Variants in TM9SF4 observed in about 807,000 individuals in gnomAD.
The protein encoded by TM9SF4 is dinucleotide oxidase disulfide thiol exchanger 3 superfamily member 4.
In TM9SF4, 26 loss-of-function variants were observed where a neutral mutation model predicts 90.4. The observed-to-expected ratio is 0.29, with a 90% CI of 0.21 to 0.40. The LOEUF (loss-of-function observed/expected upper bound fraction) is 0.40. TM9SF4 is among the 10% of genes least tolerant of loss of function. The pLI, the probability that TM9SF4 is intolerant of heterozygous loss-of-function variation, is 1.00. For synonymous variants in TM9SF4, 293 were observed against 315.4 expected (o/e 0.93, Z 0.75); for missense variants, 549 against 834.8 (o/e 0.66, Z 4.22).
At chr20:32,109,884 C>G in intron 1 of TM9SF4, 129 bp downstream of exon 1, 1 of 1,511,482 alleles carries the variant, frequency 6.6e-7, no homozygotes. Context: ...AGGGCTACCT[C>G]TGACTGGGCT....
intron 1 of TM9SF4, among the ~76,000 whole-genome samples, chr20:32,113,520 A>G (rs1351740207): frequency 6.6e-6 from 1 of 152,114 alleles, no homozygotes; most frequent in Non-Finnish European, 1.5e-5. Flanking sequence ...TGGGAATATT[A>G]TTTCATTGAA....
At chr20:32,160,203 C>A in intron 16 of TM9SF4, 92 bp downstream of exon 16, 2 of 1,564,148 alleles carry the variant, frequency 1.3e-6, no homozygotes, top group Admixed American at 3.5e-5. Context: ...TGGGTCTGGG[C>A]TCTTCATGTG....
chr20:32,159,925 G>C, intron 15 of TM9SF4, 67 bp from the exon 16 acceptor site: 1 of 1,606,026 alleles, frequency 6.2e-7, no homozygotes, highest in South Asian at 1.1e-5. Flanking sequence ...CCTTGTGACA[G>C]GTTGGTGTGC....
intron 14 of TM9SF4, among the ~76,000 whole-genome samples, chr20:32,158,235 C>A (rs2046959701): frequency 1.3e-5 from 2 of 152,124 alleles, no homozygotes. Context: ...GCAAGTCACC[C>A]CACCTCTCTG....
At chr20:32,134,920 G>T (rs34699730) in intron 2 of TM9SF4, among the ~76,000 whole-genome samples, 52,639 of 151,826 alleles carry the variant, frequency 0.35, 10,508 homozygotes, top group East Asian at 0.72. Context: ...TGATCTGCCC[G>T]CCTCACCCTC....
rs373682206 is a variant in TM9SF4 at position 32,155,215 on chromosome 20, C to G, written c.1329+29C>G. 48 of 1,586,578 alleles carry G rather than the reference C, an allele frequency of 3.0e-5. No individual in the cohort carries two copies. The Admixed American group carries it at 7.7e-4, about 25-fold the overall frequency. ...AGTGCCTCCCCTACCCTTCCAGCCC[C>G]TCCCCAGCAAGCGAGGACCAGTTGC... On this transcript the variant is annotated intron_variant, in intron 13 of 17. Transcript: ENST00000398022.
At chr20:32,141,410 C>T (rs1213506199) in intron 3 of TM9SF4, 87 bp from the exon 4 acceptor site, 4 of 1,500,102 alleles carry the variant, frequency 2.7e-6, no homozygotes, top group Non-Finnish European at 3.6e-6. Context: ...CCCATGTTTG[C>T]CCCGCAGTCC....
intron 12 of TM9SF4, among the ~76,000 whole-genome samples, chr20:32,151,853 GT>G (rs1299258320): frequency 2.1e-5 from 3 of 144,548 alleles, no homozygotes; most frequent in African/African-American, 7.7e-5. Flanking sequence ...GGCTAATTTT[GT>G]TTTTTTGTTT....
intron 13 of TM9SF4, among the ~76,000 whole-genome samples, chr20:32,156,183 CATTT>C (rs945957074): frequency 7.9e-5 from 12 of 152,122 alleles, no homozygotes; most frequent in Admixed American, 3.3e-4. Flanking sequence ...TAACAGCAAA[CATTT>C]ATATGATGCT....
chr20:32,123,866 A>ATATATATATATATATATTTTTTT, intron 1 of TM9SF4, among the ~76,000 whole-genome samples: 6 of 93,962 alleles, frequency 6.4e-5, no homozygotes, highest in East Asian at 7.4e-4. Flanking sequence ...ATATATATAT[A>ATATATATATATATATATTTTTTT]TTTTTTTTTT....
intron 1 of TM9SF4, among the ~76,000 whole-genome samples, chr20:32,110,555 A>C (rs1370266560): frequency 1.3e-5 from 2 of 152,140 alleles, no homozygotes; most frequent in African/African-American, 2.4e-5. Flanking sequence ...CCCTTTTATA[A>C]GCACTCTAGT....
chr20:32,126,684 C>T (rs1292210477), intron 1 of TM9SF4, among the ~76,000 whole-genome samples: 2 of 152,066 alleles, frequency 1.3e-5, no homozygotes, highest in Non-Finnish European at 2.9e-5. Context: ...GAGGCTGGCA[C>T]AGTGCCTGAC....
At chr20:32,136,293 A>G in intron 3 of TM9SF4, 120 bp downstream of exon 3, 1 of 919,636 alleles carries the variant, frequency 1.1e-6, no homozygotes, top group South Asian at 1.6e-5. Context: ...TTGTTTGCAT[A>G]CCTGTTAGCT....
chr20:32,148,326 T>C (rs1196082006), intron 9 of TM9SF4, among the ~76,000 whole-genome samples: 5 of 152,202 alleles, frequency 3.3e-5, no homozygotes. Flanking sequence ...ACAGTACTAA[T>C]TGTTGGTAAG....
At chr20:32,121,961 C>T (rs565286432) in intron 1 of TM9SF4, among the ~76,000 whole-genome samples, 269 of 134,920 alleles carry the variant, frequency 2.0e-3, no homozygotes, top group Admixed American at 3.5e-3. Context: ...CCGGACGGGG[C>T]GGCTGGCAGG....
At chr20:32,157,224 A>G (rs549175000) in intron 13 of TM9SF4, among the ~76,000 whole-genome samples, 1 of 152,236 alleles carries the variant, frequency 6.6e-6, no homozygotes, top group Non-Finnish European at 1.5e-5. Context: ...AACTGCTGGT[A>G]TTACAGGCAT....
chr20:32,146,032 G>C (rs2046757631), intron 8 of TM9SF4, among the ~76,000 whole-genome samples: 4 of 152,234 alleles, frequency 2.6e-5, no homozygotes, highest in African/African-American at 9.6e-5. Flanking sequence ...GTGGTAGGCA[G>C]GGGTAGAATG....
At chr20:32,140,716 C>G (rs1274368851) in intron 3 of TM9SF4, among the ~76,000 whole-genome samples, 1 of 152,134 alleles carries the variant, frequency 6.6e-6, no homozygotes, top group African/African-American at 2.4e-5. Context: ...ACTGCTAAGG[C>G]AGGCAGCCGA....
intron 3 of TM9SF4, 118 bp from the exon 4 acceptor site, chr20:32,141,379 C>A: frequency 8.2e-7 from 1 of 1,217,872 alleles, no homozygotes. Flanking sequence ...CAGGCTGAGG[C>A]ACTGCTGAAG....
Sources: gnomAD v4.1 joint callset for allele counts (sites outside exome capture counted in the v4.1 genomes callset) on GRCh38, gnomAD v4.1.1 for gene constraint, MANE v1.5 for transcripts, NCBI Gene and HGNC (gene_info 2026-07-23, HGNC 2026-07-21) for gene names.